SPINK5: variants seen among roughly 807,000 people sequenced by gnomAD.
The protein encoded by SPINK5 is serine protease inhibitor Kazal-type 5.
SPINK5 carries 125 observed loss-of-function variants against 151.8 expected under a neutral mutation model. The ratio of observed to expected loss-of-function variants is 0.82; its 90% CI spans 0.71 to 0.96. The LOEUF is 0.96. SPINK5 is among the 40% of genes least tolerant of loss of function. SPINK5 has a pLI of 0.00. For missense variants in SPINK5, 1,194 were observed against 1,291.9 expected (o/e 0.92, Z 1.16); for synonymous variants, 374 against 395.3 (o/e 0.95, Z 0.64).
At chr5:148,104,802 A>C in intron 15 of SPINK5, 150 bp from the exon 16 acceptor site, 1 of 603,502 alleles carries the variant, frequency 1.7e-6, no homozygotes, top group South Asian at 1.9e-5. Context: ...AGGCTGAGGC[A>C]GGAGAATTGC....
At position 148,123,950 on chromosome 5, in the gene SPINK5, C is replaced by T; in HGVS notation, c.2656C>T (p.Gln886Ter). The T allele has an allele frequency of 1.2e-6, 2 of 1,613,890 alleles. No individual in the cohort carries two copies. Among genetic ancestry groups the T allele is most frequent in the Non-Finnish European group, 8.5e-7 (1 of 1,179,916 alleles). Residue 886 changes from glutamine to a stop codon, truncating the protein, a stop_gained, in exon 27 of 33, where the codon CAG (glutamine) becomes TAG (stop). Coordinates refer to ENST00000256084, the MANE Select transcript of SPINK5 (RefSeq NM_006846.4). LOFTEE classifies it high-confidence loss of function. ...KMHINKCAMC[Q>*]SIFDREANER... Reference sequence around the variant, plus strand: ...GCACATCAATAAATGTGCTATGTGTCAGAGCATCTTGTACGTAAAAAGGTT... The same window carrying T: ...GCACATCAATAAATGTGCTATGTGTTAGAGCATCTTGTACGTAAAAAGGTT...
At chr5:148,065,588 T>G in intron 2 of SPINK5, 1 of 541,538 alleles carries the variant, frequency 1.8e-6, no homozygotes, top group South Asian at 2.7e-5. Flanking sequence ...ATATTAATGA[T>G]GATGGATGTC....
chr5:148,125,799 G>T lies in SPINK5; in HGVS notation c.2816G>T (p.Gly939Val). Residue 939 changes from glycine to valine, a missense_variant, in exon 29 of 33, where the codon GGT becomes GTT. Coordinates refer to ENST00000256084, the MANE Select transcript of SPINK5 (RefSeq NM_006846.4). ...CCTAGAGAGAATGACCCAGTGCACG[G>T]TGCTGATGGAAAGTTCTATACAAAC... Reference protein sequence around the residue: ...ICPRENDPVHGADGKFYTNKC... With the variant: ...ICPRENDPVHVADGKFYTNKC... The T allele has an allele frequency of 6.2e-7, 1 of 1,614,190 alleles. No individual in the cohort carries two copies. Among genetic ancestry groups the T allele is most frequent in the East Asian group, 2.2e-5 (1 of 44,882 alleles).
intron 30 of SPINK5, among the ~76,000 whole-genome samples, chr5:148,129,680 C>G (rs572547223): frequency 6.6e-6 from 1 of 152,248 alleles, no homozygotes; most frequent in South Asian, 2.1e-4. Flanking sequence ...ATATGGAACT[C>G]ACCACAATCT....
chr5:148,108,715 G>A, intron 17 of SPINK5, 38 bp from the exon 18 acceptor site: 1 of 1,602,198 alleles, frequency 6.2e-7, no homozygotes, highest in Non-Finnish European at 8.5e-7. Flanking sequence ...AAAGAGTAGG[G>A]AATCATATTC....
chr5:148,098,774 C>A (rs980467469), intron 11 of SPINK5, among the ~76,000 whole-genome samples: 18 of 151,768 alleles, frequency 1.2e-4, no homozygotes, highest in South Asian at 4.2e-4. Context: ...AGACCATGGT[C>A]TTGAGGGAGG....
chr5:148,064,177 C>T, intron 1 of SPINK5, 78 bp downstream of exon 1: 1 of 1,532,996 alleles, frequency 6.5e-7, no homozygotes, highest in Non-Finnish European at 9.0e-7. Context: ...TCCCCCTACT[C>T]CTGCCAAAAA....
chr5:148,110,092 T>G (rs1249727870), intron 18 of SPINK5, among the ~76,000 whole-genome samples: 1 of 152,188 alleles, frequency 6.6e-6, no homozygotes, highest in African/African-American at 2.4e-5. Context: ...TTCATTTCCC[T>G]ACCAGTAAGG....
At chr5:148,066,610 G>GAA (rs1473310319) in intron 2 of SPINK5, among the ~76,000 whole-genome samples, 37 of 152,116 alleles carry the variant, frequency 2.4e-4, no homozygotes, top group African/African-American at 8.9e-4. Flanking sequence ...ATAGGGAGAG[G>GAA]TCCAGAAAGT....
intron 22 of SPINK5, 78 bp downstream of exon 22, chr5:148,116,544 CT>C: frequency 7.1e-7 from 1 of 1,409,098 alleles, no homozygotes; most frequent in Non-Finnish European, 1.0e-6. Context: ...CGTATATAGT[CT>C]ATGGTAAAGG....
At position 148,091,229 on chromosome 5, in the gene SPINK5, G is replaced by A. The variant is rs776976720; in HGVS notation, c.666+1G>A. The A allele has an allele frequency of 6.2e-6, 10 of 1,610,746 alleles. No individual in the cohort carries two copies. Among genetic ancestry groups the A allele is most frequent in the Non-Finnish European group, 8.5e-6 (10 of 1,178,226 alleles). On this transcript the variant is annotated splice_donor_variant, in intron 8 of 32. Coordinates refer to ENST00000256084, the MANE Select transcript of SPINK5 (RefSeq NM_006846.4). LOFTEE classifies it high-confidence loss of function. ...TAGAATTCGACGAAATGCTGAAAAG[G>A]TAAAATGACTCACCAACGCAATTTT...
chr5:148,104,727 C>T (rs1340967694), intron 15 of SPINK5, among the ~76,000 whole-genome samples: 1 of 152,006 alleles, frequency 6.6e-6, no homozygotes, highest in Non-Finnish European at 1.5e-5. Context: ...AACCCCGTCT[C>T]TACTAAAAAT....
At chr5:148,098,764 A>T (rs1308371866) in intron 11 of SPINK5, among the ~76,000 whole-genome samples, 2 of 152,036 alleles carry the variant, frequency 1.3e-5, no homozygotes, top group Non-Finnish European at 2.9e-5. Context: ...TGTGATAGAT[A>T]GACCATGGTC....
At chr5:148,072,355 A>G in intron 4 of SPINK5, 135 bp downstream of exon 4, 1 of 884,124 alleles carries the variant, frequency 1.1e-6, no homozygotes, top group Non-Finnish European at 1.8e-6. Flanking sequence ...AACATGGGTT[A>G]GTCCAGGGGT....
intron 17 of SPINK5, among the ~76,000 whole-genome samples, chr5:148,107,971 A>C (rs931028062): frequency 6.6e-6 from 1 of 152,226 alleles, no homozygotes; most frequent in Non-Finnish European, 1.5e-5. Context: ...TAACTTTCAC[A>C]TGTCTTGATC....
At position 148,108,743 on chromosome 5, in the gene SPINK5, T is replaced by G. The variant is rs1282779417; in HGVS notation, c.1608-10T>G. On this transcript the variant is annotated splice_polypyrimidine_tract_variant and intron_variant, in intron 17 of 32. Coordinates refer to ENST00000256084, the MANE Select transcript of SPINK5 (RefSeq NM_006846.4). ...TCATATTCAGCCTATATCTTCTTTT[T>G]CTATTACAGCAAACTTGAAGAAGAA... 1.9e-6 allele frequency: 3 copies of G among 1,610,242 alleles called. No individual in the cohort carries two copies. The highest frequency in any genetic ancestry group is 4.5e-5 in the East Asian group (2 of 44,726).
Position 148,133,798 on chromosome 5 carries a change from A to G in SPINK5, c.3097A>G (p.Ile1033Val). The G allele has an allele frequency of 6.2e-7, 1 of 1,613,816 alleles. No individual in the cohort carries two copies. The highest frequency in any genetic ancestry group is 8.5e-7 in the Non-Finnish European group (1 of 1,179,900). Residue 1033 changes from isoleucine (I) to valine (V), a missense_variant and splice_region_variant, in exon 32 of 33, where the codon ATA (isoleucine) becomes GTA (valine). Ile to Val is a conservative substitution (Grantham distance 29). Transcript: ENST00000256084. ...NPCMLCHENL[I>V]RQTNTHIRST... ...GAAGCATCCTCTGATCTGTTTTAGG[A>G]TACGCCAAACAAATACACACATCCG... is the stretch of plus-strand genomic sequence containing the variant.
Position 148,072,217 on chromosome 5 carries a change from A to G in SPINK5, c.279A>G (p.Thr93=), listed in dbSNP as rs565136936. The change falls in exon 4 of 33, where the codon ACA becomes ACG. Residue 93 remains threonine (T), a synonymous_variant. Transcript: ENST00000256084. ...GAGCTCCCAAGGCTACTGCCCCAAC[A>G]GAGGTGAGACTATTTGGAGCCAACC... The part of the protein sequence containing the change: ...LARAPKATAP[T]ELNCDDFKKG... 6.2e-7 allele frequency: 1 copy of G among 1,612,112 alleles called. No homozygotes were observed. Among genetic ancestry groups the G allele is most frequent in the Admixed American group, 1.7e-5 (1 of 59,822 alleles).
intron 2 of SPINK5, among the ~76,000 whole-genome samples, chr5:148,066,336 T>G (rs1752585063): frequency 6.6e-6 from 1 of 152,162 alleles, no homozygotes. Flanking sequence ...ACACACACAC[T>G]GCTATGCATG....
Sources: allele counts gnomAD v4.1 joint callset (sites outside exome capture counted in the v4.1 genomes callset), GRCh38; gene constraint gnomAD v4.1.1; transcripts MANE v1.5; gene names NCBI Gene and HGNC (gene_info 2026-07-23, HGNC 2026-07-21).